Variants in KCNH7 observed in about 807,000 individuals in gnomAD.
The protein encoded by KCNH7 is voltage-gated inwardly rectifying potassium channel KCNH7.
Under a neutral mutation model 120.8 loss-of-function variants are expected in KCNH7, and 49 were observed. That is an observed-to-expected ratio of 0.41 (90% CI 0.32 to 0.51). The LOEUF is 0.51. Among genes scored for constraint, KCNH7 ranks in the 20% least tolerant of loss-of-function variants. The pLI is 0.38. For missense variants in KCNH7, 1,097 were observed against 1,446.6 expected (o/e 0.76, Z 3.92); for synonymous variants, 547 against 516.1 (o/e 1.06, Z -0.81).
intron 2 of KCNH7, among the ~76,000 whole-genome samples, chr2:162,652,702 T>C (rs950650740): frequency 2.0e-5 from 3 of 152,218 alleles, no homozygotes; most frequent in African/African-American, 7.2e-5. Flanking sequence ...GGCCACGGAC[T>C]GTCACTTGTC....
intron 2 of KCNH7, among the ~76,000 whole-genome samples, chr2:162,684,657 C>T (rs1685823734): frequency 1.3e-5 from 2 of 152,288 alleles, no homozygotes; most frequent in South Asian, 2.1e-4. Flanking sequence ...GATGCCATCT[C>T]ATGCCAGTTA....
chr2:162,648,532 C>T (rs1412592786), intron 2 of KCNH7, among the ~76,000 whole-genome samples: 1 of 151,836 alleles, frequency 6.6e-6, no homozygotes, highest in African/African-American at 2.4e-5. Flanking sequence ...TTCCAGTTTC[C>T]TCTCTCTCTA....
intron 2 of KCNH7, among the ~76,000 whole-genome samples, chr2:162,594,100 T>C (rs563840699): frequency 7.5e-4 from 114 of 152,030 alleles, no homozygotes; most frequent in African/African-American, 2.7e-3. Flanking sequence ...AATTAGACCT[T>C]CCAAATTAAA....
intron 2 of KCNH7, among the ~76,000 whole-genome samples, chr2:162,648,580 A>G (rs1489270117): frequency 1.3e-5 from 2 of 152,086 alleles, no homozygotes; most frequent in East Asian, 3.9e-4. Context: ...ATGAATACAC[A>G]TCTCTGTGCT....
chr2:162,549,016 C>T (rs931402215), intron 2 of KCNH7, among the ~76,000 whole-genome samples: 2 of 152,122 alleles, frequency 1.3e-5, no homozygotes, highest in African/African-American at 4.8e-5. Flanking sequence ...TAACCATTTC[C>T]CTTTTGAACA....
intron 2 of KCNH7, among the ~76,000 whole-genome samples, chr2:162,608,583 T>G (rs1158843711): frequency 6.6e-6 from 1 of 152,172 alleles, no homozygotes; most frequent in East Asian, 1.9e-4. Context: ...TTTTGTCCAG[T>G]GAATCTCTTT....
chr2:162,459,007 A>AAATAATAATGATAAT (rs1689063997), intron 6 of KCNH7, among the ~76,000 whole-genome samples: 1 of 134,842 alleles, frequency 7.4e-6, no homozygotes, highest in Non-Finnish European at 1.6e-5. Context: ...TTCTGTTTCA[A>AAATAATAATGATAAT]AATAATAATA....
intron 6 of KCNH7, among the ~76,000 whole-genome samples, chr2:162,491,486 C>A (rs903456559): frequency 6.6e-6 from 1 of 152,146 alleles, no homozygotes. Context: ...TGATTCCTGA[C>A]AATTAGGCCC....
rs371541552 is a variant in KCNH7, at chr2:162,758,312, T to C, written c.307+78225A>G. Among the ~76,000 whole-genome samples, 14 of 152,126 alleles carry C rather than the reference T, an allele frequency of 9.2e-5. No individual in the cohort carries two copies. The South Asian group carries it at 2.7e-3, about 29-fold the overall frequency. On this transcript the variant is annotated intron_variant, in intron 2 of 15. Coordinates refer to ENST00000332142, the MANE Select transcript of KCNH7 (RefSeq NM_033272.4). The stretch of plus-strand genomic sequence containing the variant: ...ACCCAGTATAAGCAGCCAGGCTATA[T>C]CGTTATTGGAGGTTATATTCTTTAG...
At position 162,371,623 on chromosome 2, in the gene KCNH7, C is replaced by T. The variant is rs1685950191; in HGVS notation, c.*206G>A. Reference sequence around the variant, plus strand: ...TGCCGTGAGATGCTGGCAGTTTTAACATTTGGAACCAAAAGTTCTTATGTA... The same window carrying T: ...TGCCGTGAGATGCTGGCAGTTTTAATATTTGGAACCAAAAGTTCTTATGTA... On this transcript the variant is annotated 3_prime_UTR_variant, in exon 16 of 16. Coordinates refer to ENST00000332142, the MANE Select transcript of KCNH7 (RefSeq NM_033272.4). 3 of 790,678 alleles carry T rather than the reference C, an allele frequency of 3.8e-6. No individual in the cohort carries two copies. The highest frequency in any genetic ancestry group is 6.4e-5 in the Admixed American group (2 of 31,408). 49.0% of individuals were successfully genotyped at this position (790,678 alleles called of 1,614,324 possible).
chr2:162,598,325 C>G (rs969864229), intron 2 of KCNH7, among the ~76,000 whole-genome samples: 2 of 151,910 alleles, frequency 1.3e-5, no homozygotes, highest in Non-Finnish European at 2.9e-5. Context: ...GAGACCTTTT[C>G]AGGAAAGTAA....
chr2:162,459,695 T>C (rs1689084576), intron 6 of KCNH7, among the ~76,000 whole-genome samples: 1 of 152,148 alleles, frequency 6.6e-6, no homozygotes, highest in African/African-American at 2.4e-5. Flanking sequence ...ATTATTAATG[T>C]ATAAAATACC....
At chr2:162,704,177 A>G (rs1323733104) in intron 2 of KCNH7, among the ~76,000 whole-genome samples, 1 of 152,150 alleles carries the variant, frequency 6.6e-6, no homozygotes, top group Non-Finnish European at 1.5e-5. Flanking sequence ...CTCCCCAGCC[A>G]CTGAAATTAT....
intron 6 of KCNH7, among the ~76,000 whole-genome samples, chr2:162,501,411 G>A (rs76208493): frequency 1.3e-5 from 2 of 152,076 alleles, no homozygotes; most frequent in African/African-American, 4.8e-5. Context: ...AGTGGGAGGG[G>A]GATACTCCAC....
Position 162,598,379 on chromosome 2 carries a change from T to C in KCNH7, c.308-61299A>G, listed in dbSNP as rs538114985. ...CCCCTTCAATTATACAGAGACTAATTTGATGGAAAAGTGATACAAATGATA... is the reference window on the plus strand; with the variant it reads ...CCCCTTCAATTATACAGAGACTAATCTGATGGAAAAGTGATACAAATGATA... On this transcript the variant is annotated intron_variant, in intron 2 of 15. Coordinates refer to ENST00000332142, the MANE Select transcript of KCNH7 (RefSeq NM_033272.4). 1.7e-3 allele frequency among the ~76,000 whole-genome samples: 265 copies of C among 152,138 alleles called. 1 individual carries two copies. Among genetic ancestry groups the C allele is most frequent in the South Asian group, 5.2e-3 (25 of 4,814 alleles).
At chr2:162,406,990 T>C (rs1451506394) in intron 9 of KCNH7, among the ~76,000 whole-genome samples, 1 of 152,040 alleles carries the variant, frequency 6.6e-6, no homozygotes, top group African/African-American at 2.4e-5. Flanking sequence ...ATCTTACAAA[T>C]ATGTATTGTC....
chr2:162,673,193 T>C (rs1685419711), intron 2 of KCNH7, among the ~76,000 whole-genome samples: 1 of 151,950 alleles, frequency 6.6e-6, no homozygotes, highest in African/African-American at 2.4e-5. Context: ...AGACTACAAT[T>C]GTACTGATGC....
chr2:162,444,955 T>C (rs951386838), intron 7 of KCNH7, among the ~76,000 whole-genome samples: 3 of 152,106 alleles, frequency 2.0e-5, no homozygotes, highest in African/African-American at 4.8e-5. Context: ...GTAATATTAT[T>C]ATCATCCTTT....
At chr2:162,549,320 A>C (rs1387062492) in intron 2 of KCNH7, among the ~76,000 whole-genome samples, 2 of 152,210 alleles carry the variant, frequency 1.3e-5, no homozygotes, top group Non-Finnish European at 2.9e-5. Context: ...TGGATATAAA[A>C]GCTGGGGTTA....
Sources: gnomAD v4.1 joint callset for allele counts (sites outside exome capture counted in the v4.1 genomes callset) on GRCh38, gnomAD v4.1.1 for gene constraint, MANE v1.5 for transcripts, NCBI Gene and HGNC (gene_info 2026-07-23, HGNC 2026-07-21) for gene names.